PCDH7: variants seen among roughly 807,000 people sequenced by gnomAD.
The protein encoded by PCDH7 is protocadherin-7.
PCDH7 carries 17 observed loss-of-function variants against 58.9 expected under a neutral mutation model. That is an observed-to-expected ratio of 0.29 (90% CI 0.20 to 0.43). PCDH7 has a LOEUF of 0.43. Ranked by LOEUF, PCDH7 falls within the 20% of genes least tolerant of loss-of-function variation. The probability of loss-of-function intolerance (pLI) is 1.00; values close to 1 mark genes in which losing one functional copy is unlikely to be tolerated. For missense variants in PCDH7, 1,274 were observed against 1,441.0 expected, an observed-to-expected ratio of 0.88 and a Z score of 1.88; for synonymous variants, 664 against 616.4, an observed-to-expected ratio of 1.08 and a Z score of -1.14.
At chr4:31,007,512 A>G (rs1218223310) in intron 3 of PCDH7, among the ~76,000 whole-genome samples, 1 of 152,098 alleles carries the variant, frequency 6.6e-6, no homozygotes, top group Non-Finnish European at 1.5e-5. Context: ...ACTTATGTCC[A>G]GTTTTAATTG....
intron 2 of PCDH7, among the ~76,000 whole-genome samples, chr4:30,931,304 G>A (rs573158212): frequency 4.6e-5 from 7 of 152,194 alleles, no homozygotes; most frequent in South Asian, 2.1e-4. Context: ...GGTCGGGCAT[G>A]GCGGCTCGCA....
At chr4:30,807,928 G>A (rs1011547253) in intron 1 of PCDH7, among the ~76,000 whole-genome samples, 7 of 152,054 alleles carry the variant, frequency 4.6e-5, no homozygotes, top group African/African-American at 1.4e-4. Flanking sequence ...CCCAGGTTTC[G>A]TTTTTCATGA....
chr4:31,042,486 A>ATG (rs1364565535), intron 3 of PCDH7, among the ~76,000 whole-genome samples: 3 of 151,988 alleles, frequency 2.0e-5, no homozygotes, highest in Non-Finnish European at 1.5e-5. Context: ...CTATATGGGT[A>ATG]TGTGTGTGTG....
intron 3 of PCDH7, among the ~76,000 whole-genome samples, chr4:31,037,127 C>G (rs1471251511): frequency 6.6e-6 from 1 of 152,120 alleles, no homozygotes; most frequent in Non-Finnish European, 1.5e-5. Flanking sequence ...CTTTACCTCT[C>G]CAACATCATC....
chr4:30,752,209 C>T (rs1718621517), intron 1 of PCDH7, among the ~76,000 whole-genome samples: 1 of 152,094 alleles, frequency 6.6e-6, no homozygotes, highest in Non-Finnish European at 1.5e-5. Flanking sequence ...TCCCGGCTCA[C>T]TGCAACTTCC....
intron 1 of PCDH7, among the ~76,000 whole-genome samples, chr4:30,889,865 C>A (rs1235897101): frequency 1.3e-5 from 2 of 152,144 alleles, no homozygotes; most frequent in African/African-American, 4.8e-5. Flanking sequence ...ACAGACATAA[C>A]ATTCAGACCA....
intron 1 of PCDH7, among the ~76,000 whole-genome samples, chr4:30,761,820 A>T (rs1383690046): frequency 1.3e-5 from 2 of 152,222 alleles, no homozygotes; most frequent in East Asian, 3.8e-4. Context: ...TATGAATTAG[A>T]TATGCTATTT....
intron 1 of PCDH7, among the ~76,000 whole-genome samples, chr4:30,797,979 A>C (rs1438721378): frequency 6.6e-6 from 1 of 152,180 alleles, no homozygotes; most frequent in East Asian, 1.9e-4. Flanking sequence ...ACTTCGTTAG[A>C]GCTTCGCGTT....
At chr4:30,801,614 C>A (rs971287435) in intron 1 of PCDH7, among the ~76,000 whole-genome samples, 20 of 152,192 alleles carry the variant, frequency 1.3e-4, no homozygotes, top group African/African-American at 4.8e-4. Flanking sequence ...TTATTTAATC[C>A]TAATAGCATA....
chr4:30,955,467 G>A (rs1240801425), intron 3 of PCDH7, among the ~76,000 whole-genome samples: 9 of 151,322 alleles, frequency 5.9e-5, no homozygotes, highest in African/African-American at 1.9e-4. Flanking sequence ...ATTTCTCGAG[G>A]CCACTATTTT....
chr4:30,968,215 T>C (rs1234865913), intron 3 of PCDH7, among the ~76,000 whole-genome samples: 1 of 148,534 alleles, frequency 6.7e-6, no homozygotes. Context: ...AAATTAACCA[T>C]ATGGAGTCCT....
chr4:30,730,003 G>A (rs1344311382), intron 1 of PCDH7, among the ~76,000 whole-genome samples: 2 of 151,816 alleles, frequency 1.3e-5, no homozygotes, highest in African/African-American at 4.8e-5. Flanking sequence ...GTGTGACAAA[G>A]CCATTACTTC....
At chr4:31,126,108 G>A (rs927416049) in intron 3 of PCDH7, among the ~76,000 whole-genome samples, 3 of 150,532 alleles carry the variant, frequency 2.0e-5, no homozygotes, top group African/African-American at 4.9e-5. Context: ...TCTTAGAACA[G>A]TGCTTGACAT....
intron 3 of PCDH7, among the ~76,000 whole-genome samples, chr4:30,960,112 G>GGGAA (rs796354089): frequency 0.025 from 1,638 of 65,754 alleles, 112 homozygotes; most frequent in Middle Eastern, 0.039. Context: ...AAAGGAAGGA[G>GGGAA]GGAAGGAAGG....
chr4:30,851,118 C>A (rs1388515942), intron 1 of PCDH7, among the ~76,000 whole-genome samples: 1 of 151,974 alleles, frequency 6.6e-6, no homozygotes, highest in Non-Finnish European at 1.5e-5. Context: ...TTCCTGTAGA[C>A]CCTGAAGCTG....
At chr4:30,837,430 A>T (rs1026466792) in intron 1 of PCDH7, among the ~76,000 whole-genome samples, 1 of 151,926 alleles carries the variant, frequency 6.6e-6, no homozygotes, top group Non-Finnish European at 1.5e-5. Context: ...TCCAGAGATA[A>T]TTGCCTACCA....
chr4:31,103,076 C>T (rs549820062), intron 3 of PCDH7, among the ~76,000 whole-genome samples: 5 of 152,044 alleles, frequency 3.3e-5, no homozygotes, highest in Non-Finnish European at 5.9e-5. Flanking sequence ...TTTGTTATAA[C>T]CATTTTCTGG....
Position 30,722,545 on chromosome 4 carries a change from C to G in PCDH7, c.1123C>G (p.Arg375Gly). Residue 375 changes from arginine (R) to glycine (G), a missense_variant, in exon 1 of 2, where the codon CGC (arginine) becomes GGC (glycine). This residue lies in a region of PCDH7 where 331 missense variants were observed against 303.2 expected (regional missense o/e 1.09). Transcript: ENST00000361762. The surrounding 1 kb of genome is among the most constrained non-coding windows in gnomAD (Gnocchi z 7.6). ...GCTCAGCGTCCTGCACCGGATCGAC[C>G]GCGAGGAGGTGAACCAGCTGCGCTT... 6.2e-7 allele frequency: 1 copy of G among 1,612,322 alleles called. No individual in the cohort carries two copies. Among genetic ancestry groups the G allele is most frequent in the Non-Finnish European group, 8.5e-7 (1 of 1,179,854 alleles).
intron 3 of PCDH7, among the ~76,000 whole-genome samples, chr4:30,976,250 C>T (rs1352186727): frequency 1.3e-5 from 2 of 152,024 alleles, no homozygotes; most frequent in African/African-American, 4.8e-5. Context: ...ACCCACCACA[C>T]CTGGCTAATT....
Sources: allele counts gnomAD v4.1 joint callset (sites outside exome capture counted in the v4.1 genomes callset), GRCh38; gene constraint gnomAD v4.1.1; regional missense constraint gnomAD v4.1.1; non-coding constraint Gnocchi (gnomAD v3.1); transcripts MANE v1.5; gene names NCBI Gene and HGNC (gene_info 2026-07-23, HGNC 2026-07-21).